HPSE2: variants seen among roughly 807,000 people sequenced by gnomAD.
The protein encoded by HPSE2 is heparanase 2 (inactive).
Under a neutral mutation model 60.5 loss-of-function variants are expected in HPSE2, and 38 were observed. The ratio of observed to expected loss-of-function variants is 0.63; its 90% CI spans 0.48 to 0.82. The LOEUF (loss-of-function observed/expected upper bound fraction) is 0.82, where lower values mean the gene tolerates loss of function less well. HPSE2 is among the 40% of genes least tolerant of loss of function. The pLI is 0.00. For synonymous variants in HPSE2, 295 were observed against 293.2 expected (o/e 1.01, Z -0.06); for missense variants, 713 against 740.4 (o/e 0.96, Z 0.43).
At chr10:98,874,110 T>G (rs143835477) in intron 3 of HPSE2, among the ~76,000 whole-genome samples, 48 of 152,216 alleles carry the variant, frequency 3.2e-4, no homozygotes, top group African/African-American at 1.1e-3. Flanking sequence ...TATTAGACCT[T>G]TGTCAGATGT....
chr10:98,999,591 G>A (rs1446002938), intron 3 of HPSE2, among the ~76,000 whole-genome samples: 1 of 152,090 alleles, frequency 6.6e-6, no homozygotes. Context: ...AATCTCATTG[G>A]AAGTGAGATG....
At chr10:98,742,964 C>A (rs369175056) in intron 4 of HPSE2, among the ~76,000 whole-genome samples, 1 of 125,632 alleles carries the variant, frequency 8.0e-6, no homozygotes. Flanking sequence ...CTTTTTTTTC[C>A]TTTTCTTTTC....
chr10:98,470,909 G>A (rs117761091), intron 11 of HPSE2, among the ~76,000 whole-genome samples: 8 of 152,224 alleles, frequency 5.3e-5, no homozygotes, highest in Non-Finnish European at 8.8e-5. Flanking sequence ...AAAAACTCTC[G>A]GAAAATAACA....
At chr10:98,512,307 T>C (rs1034401953) in intron 9 of HPSE2, among the ~76,000 whole-genome samples, 5 of 152,112 alleles carry the variant, frequency 3.3e-5, no homozygotes, top group East Asian at 3.9e-4. Flanking sequence ...GGTGGCCGGG[T>C]GCAGTGGCTC....
chr10:98,488,828 G>C (rs939023890), intron 10 of HPSE2, among the ~76,000 whole-genome samples: 2 of 152,236 alleles, frequency 1.3e-5, no homozygotes, highest in African/African-American at 4.8e-5. Flanking sequence ...CAAAAGGGAT[G>C]TTGAAAGCCT....
intron 9 of HPSE2, among the ~76,000 whole-genome samples, chr10:98,561,508 A>G (rs1944182292): frequency 6.6e-6 from 1 of 152,222 alleles, no homozygotes; most frequent in Non-Finnish European, 1.5e-5. Flanking sequence ...AAAAGTTTAT[A>G]AAGTAAAACA....
At chr10:99,166,593 T>A (rs1246345381) in intron 2 of HPSE2, among the ~76,000 whole-genome samples, 3 of 152,234 alleles carry the variant, frequency 2.0e-5, no homozygotes, top group Non-Finnish European at 4.4e-5. Context: ...GGTTTTAATT[T>A]CCATTTCCCT....
the HPSE2 span, among the ~76,000 whole-genome samples, chr10:99,308,213 T>A: frequency 1.7e-4 from 25 of 150,938 alleles, no homozygotes; most frequent in Admixed American, 1.6e-3. Flanking sequence ...CATGGTGAAA[T>A]CCTGTCTCTA....
chr10:98,737,031 A>C (rs1311469571), intron 4 of HPSE2, among the ~76,000 whole-genome samples: 1 of 152,180 alleles, frequency 6.6e-6, no homozygotes, highest in Non-Finnish European at 1.5e-5. Flanking sequence ...CTGAGAAAAG[A>C]AGCAGGTAAA....
At chr10:98,572,205 G>T (rs1676001) in intron 9 of HPSE2, among the ~76,000 whole-genome samples, 128,742 of 151,906 alleles carry the variant, frequency 0.85, 55,866 homozygotes, top group East Asian at 1. Flanking sequence ...CTCCCAAAGT[G>T]CTGGGATTAC....
At chr10:98,863,425 T>C (rs1387496458) in intron 3 of HPSE2, among the ~76,000 whole-genome samples, 1 of 152,102 alleles carries the variant, frequency 6.6e-6, no homozygotes, top group Non-Finnish European at 1.5e-5. Context: ...CAGTTATAGA[T>C]ATCTTGATAG....
chr10:99,297,785 C>T, the HPSE2 span, among the ~76,000 whole-genome samples: 1 of 151,990 alleles, frequency 6.6e-6, no homozygotes, highest in Non-Finnish European at 1.5e-5. Flanking sequence ...CGAGGGGACC[C>T]TTATTGGCTG....
chr10:98,473,522 A>AAG (rs1440107825), intron 11 of HPSE2, among the ~76,000 whole-genome samples: 1 of 112,734 alleles, frequency 8.9e-6, no homozygotes, highest in Non-Finnish European at 1.8e-5. Context: ...GAAAAAGAGA[A>AAG]AGAGAGAGAG....
intron 3 of HPSE2, among the ~76,000 whole-genome samples, chr10:98,926,456 C>T (rs911449714): frequency 6.6e-6 from 1 of 152,110 alleles, no homozygotes; most frequent in Non-Finnish European, 1.5e-5. Flanking sequence ...ATTTAGTCTC[C>T]TTCATGATAA....
chr10:99,116,185 G>A (rs981412531), intron 3 of HPSE2, among the ~76,000 whole-genome samples: 28 of 150,714 alleles, frequency 1.9e-4, no homozygotes, highest in Admixed American at 8.0e-4. Context: ...TAATCCTTAC[G>A]TACATCCTAG....
chr10:98,591,689 T>C (rs1283130333), intron 9 of HPSE2, among the ~76,000 whole-genome samples: 3 of 152,010 alleles, frequency 2.0e-5, no homozygotes, highest in Non-Finnish European at 4.4e-5. Flanking sequence ...AATAAATAAA[T>C]AAATCAGGAT....
chr10:98,478,469 C>T (rs944629547), intron 11 of HPSE2, among the ~76,000 whole-genome samples: 1 of 152,226 alleles, frequency 6.6e-6, no homozygotes. Context: ...TTGTCCAACC[C>T]CCGACTGAGG....
chr10:98,720,939 C>T (rs753041337), intron 5 of HPSE2, among the ~76,000 whole-genome samples: 6 of 152,150 alleles, frequency 3.9e-5, no homozygotes, highest in African/African-American at 4.8e-5. Flanking sequence ...GAAAGGAATA[C>T]AGAGCTGGTA....
chr10:98,743,545 G>GAGC (rs1365513166), intron 4 of HPSE2, among the ~76,000 whole-genome samples: 2 of 152,168 alleles, frequency 1.3e-5, no homozygotes, highest in Non-Finnish European at 2.9e-5. Flanking sequence ...ATGTTCCACA[G>GAGC]AACACACATT....
Sources: allele counts gnomAD v4.1 joint callset (sites outside exome capture counted in the v4.1 genomes callset), GRCh38; gene constraint gnomAD v4.1.1; transcripts MANE v1.5; gene names NCBI Gene and HGNC (gene_info 2026-07-23, HGNC 2026-07-21).